The following ZNF385D variants were observed in gnomAD, a reference collection of about 807,000 sequenced individuals.
The protein encoded by ZNF385D is zinc finger protein 385D.
In ZNF385D, 15 loss-of-function variants were observed where a neutral mutation model predicts 35.8. That is an observed-to-expected ratio of 0.42 (90% CI 0.28 to 0.64). ZNF385D has a LOEUF of 0.64. Ranked by LOEUF, ZNF385D falls within the 30% of genes least tolerant of loss-of-function variation. ZNF385D has a pLI of 0.23. For missense variants in ZNF385D, 474 were observed against 494.6 expected (o/e 0.96, Z 0.39); for synonymous variants, 212 against 186.8 (o/e 1.13, Z -1.10).
chr3:21,477,561 A>G (rs946526010), intron 4 of ZNF385D, among the ~76,000 whole-genome samples: 1 of 152,088 alleles, frequency 6.6e-6, no homozygotes, highest in African/African-American at 2.4e-5. Flanking sequence ...TAAATACCCT[A>G]CTAACTGTTA....
chr3:22,185,223 C>T (rs1486677364), intron 2 of ZNF385D, among the ~76,000 whole-genome samples: 4 of 151,988 alleles, frequency 2.6e-5, no homozygotes, highest in Admixed American at 6.6e-5. Flanking sequence ...TCAATAATAA[C>T]GGGACAGAAA....
intron 3 of ZNF385D, among the ~76,000 whole-genome samples, chr3:21,822,864 A>C (rs1243057327): frequency 6.6e-6 from 1 of 152,240 alleles, no homozygotes; most frequent in Non-Finnish European, 1.5e-5. Flanking sequence ...TATAAAGATC[A>C]ACAGCAAGCA....
chr3:22,208,003 T>C (rs1486280192), intron 2 of ZNF385D, among the ~76,000 whole-genome samples: 1 of 151,854 alleles, frequency 6.6e-6, no homozygotes, highest in Non-Finnish European at 1.5e-5. Flanking sequence ...GTATAGCCAA[T>C]ATGAAGAAGA....
At chr3:21,859,054 G>C (rs572687351) in intron 3 of ZNF385D, among the ~76,000 whole-genome samples, 1 of 151,832 alleles carries the variant, frequency 6.6e-6, no homozygotes, top group African/African-American at 2.4e-5. Flanking sequence ...GGCGGGGAGA[G>C]AAAAGGTAAA....
At chr3:22,137,226 G>T (rs9874552) in intron 3 of ZNF385D, among the ~76,000 whole-genome samples, 2,754 of 152,158 alleles carry the variant, frequency 0.018, 34 homozygotes, top group Non-Finnish European at 0.026. Context: ...ATTCACAGCC[G>T]AATTCTACCA....
At chr3:21,738,357 A>G (rs1036951290) in intron 1 of ZNF385D, among the ~76,000 whole-genome samples, 6 of 152,098 alleles carry the variant, frequency 3.9e-5, no homozygotes, top group African/African-American at 1.4e-4. Context: ...TTTTAATCTC[A>G]CTGTACCTTG....
chr3:21,948,327 G>A (rs1701896046), intron 3 of ZNF385D, among the ~76,000 whole-genome samples: 1 of 151,840 alleles, frequency 6.6e-6, no homozygotes, highest in Non-Finnish European at 1.5e-5. Context: ...AAACTTTCCT[G>A]GTATTAATAA....
At chr3:22,321,356 T>C (rs1559518725) in intron 2 of ZNF385D, among the ~76,000 whole-genome samples, 1 of 151,962 alleles carries the variant, frequency 6.6e-6, no homozygotes, top group Admixed American at 6.6e-5. Flanking sequence ...ATGTGTGTAC[T>C]TTTTTTAAAA....
intron 3 of ZNF385D, among the ~76,000 whole-genome samples, chr3:22,114,060 A>C (rs1702682354): frequency 6.6e-6 from 1 of 152,124 alleles, no homozygotes; most frequent in Non-Finnish European, 1.5e-5. Context: ...AACATTTAAC[A>C]ACGTTTAAGT....
chr3:21,474,752 C>T (rs757091566), intron 4 of ZNF385D, among the ~76,000 whole-genome samples: 2 of 152,022 alleles, frequency 1.3e-5, no homozygotes, highest in African/African-American at 2.4e-5. Context: ...TCTTGCTGTC[C>T]TCAAAACCCA....
rs368531068 is a variant in ZNF385D, at chr3:22,170,459, T to G, written c.107-1424A>C. Reference sequence around the variant, plus strand: ...AATACTTGAATCTATTTATGGGTATTGAAGTCACTATCCAAATTCCAAAAT... The same window carrying G: ...AATACTTGAATCTATTTATGGGTATGGAAGTCACTATCCAAATTCCAAAAT... On this transcript the variant is annotated intron_variant, in intron 2 of 5. Transcript: ENST00000494108. 3.3e-5 allele frequency among the ~76,000 whole-genome samples: 5 copies of G among 152,336 alleles called. No homozygotes were observed. The South Asian group carries it at 8.3e-4, about 25-fold the overall frequency.
intron 3 of ZNF385D, among the ~76,000 whole-genome samples, chr3:21,845,175 A>T (rs2125795471): frequency 6.6e-6 from 1 of 152,124 alleles, no homozygotes; most frequent in East Asian, 1.9e-4. Flanking sequence ...GCCAGATTAT[A>T]GGTTGCATGT....
intron 1 of ZNF385D, among the ~76,000 whole-genome samples, chr3:21,726,615 A>G (rs2068776532): frequency 6.6e-6 from 1 of 152,204 alleles, no homozygotes; most frequent in Non-Finnish European, 1.5e-5. Context: ...TACGACTTAC[A>G]AGGGATACGA....
chr3:21,546,497 G>A (rs1280542372), intron 3 of ZNF385D, among the ~76,000 whole-genome samples: 1 of 151,982 alleles, frequency 6.6e-6, no homozygotes, highest in Non-Finnish European at 1.5e-5. Context: ...TGTTGGAGGA[G>A]GACTCAGTTC....
chr3:22,204,222 C>G (rs867737232), intron 2 of ZNF385D, among the ~76,000 whole-genome samples: 2 of 152,094 alleles, frequency 1.3e-5, no homozygotes, highest in African/African-American at 4.8e-5. Flanking sequence ...GAGAATTCTT[C>G]TGGATCTTAT....
At chr3:22,061,946 A>T (rs763299251) in intron 3 of ZNF385D, among the ~76,000 whole-genome samples, 12 of 152,246 alleles carry the variant, frequency 7.9e-5, no homozygotes, top group African/African-American at 2.9e-4. Context: ...CACCTAAAAC[A>T]GTATTGGTGA....
chr3:21,423,575 T>TGG (rs535525010), intron 7 of ZNF385D, among the ~76,000 whole-genome samples: 121 of 152,228 alleles, frequency 7.9e-4, no homozygotes, highest in Non-Finnish European at 1.4e-3. Context: ...TTTGCAGTCA[T>TGG]GGGGAGAGGA....
chr3:21,454,153 C>T (rs1248812430), intron 4 of ZNF385D, among the ~76,000 whole-genome samples: 1 of 151,846 alleles, frequency 6.6e-6, no homozygotes, highest in Non-Finnish European at 1.5e-5. Flanking sequence ...TAAGAACATT[C>T]ATAGAGACAA....
At chr3:21,963,514 T>C (rs545179074) in intron 3 of ZNF385D, among the ~76,000 whole-genome samples, 2 of 152,304 alleles carry the variant, frequency 1.3e-5, no homozygotes, top group East Asian at 1.9e-4. Flanking sequence ...AATCCATATA[T>C]AAAACTTCTG....
Sources: allele counts gnomAD v4.1 joint callset (sites outside exome capture counted in the v4.1 genomes callset), GRCh38; gene constraint gnomAD v4.1.1; transcripts MANE v1.5; gene names NCBI Gene and HGNC (gene_info 2026-07-23, HGNC 2026-07-21).